The following SEC14L4 variants were observed in gnomAD, a reference collection of about 807,000 sequenced individuals.
SEC14L4 encodes the protein SEC14 like lipid binding 4.
SEC14L4 carries 42 observed loss-of-function variants against 55.1 expected under a neutral mutation model. The observed-to-expected ratio is 0.76, with a 90% CI of 0.60 to 0.99. The LOEUF is 0.99. SEC14L4 is among the 50% of genes least tolerant of loss of function. The pLI is 0.00. For missense variants in SEC14L4, 445 were observed against 512.1 expected (o/e 0.87, Z 1.27); for synonymous variants, 206 against 206.8 (o/e 1.00, Z 0.03).
At chr22:30,499,844 T>C (rs1018512356) in intron 2 of SEC14L4, among the ~76,000 whole-genome samples, 1 of 151,992 alleles carries the variant, frequency 6.6e-6, no homozygotes, top group African/African-American at 2.4e-5. Flanking sequence ...CATAGGTTCT[T>C]AAAGAATTCG....
At chr22:30,499,874 G>GT (rs59479529) in intron 2 of SEC14L4, among the ~76,000 whole-genome samples, 3,891 of 143,212 alleles carry the variant, frequency 0.027, 69 homozygotes, top group Middle Eastern at 0.065. Context: ...GAAATTAACT[G>GT]TTTTTTTTTT....
At chr22:30,494,120 C>G in intron 7 of SEC14L4, 30 bp downstream of exon 7, 2 of 1,562,784 alleles carry the variant, frequency 1.3e-6, no homozygotes, top group Non-Finnish European at 1.8e-6. Flanking sequence ...CTTCTCCCTC[C>G]CCAGGAGGTC....
chr22:30,489,827 C>T lies in SEC14L4; in HGVS notation c.*280G>A. Reference sequence around the variant, plus strand: ...AAGGGCAGCTTCTGCAAGCAGGACCCATCCTCAGTGGACTGGATCATCTTC... The same window carrying T: ...AAGGGCAGCTTCTGCAAGCAGGACCTATCCTCAGTGGACTGGATCATCTTC... On this transcript the variant is annotated 3_prime_UTR_variant, in exon 12 of 12. Coordinates refer to ENST00000255858, the MANE Select transcript of SEC14L4 (RefSeq NM_174977.4). The T allele has an allele frequency of 6.5e-7, 1 of 1,536,874 alleles. No individual in the cohort carries two copies. The highest frequency in any genetic ancestry group is 8.8e-7 in the Non-Finnish European group (1 of 1,133,452).
Position 30,489,986 on chromosome 22 carries a change from T to C in SEC14L4, c.*121A>G. 1 of 1,556,594 alleles carries C rather than the reference T, an allele frequency of 6.4e-7. No homozygotes were observed. On this transcript the variant is annotated 3_prime_UTR_variant, in exon 12 of 12. Coordinates refer to ENST00000255858, the MANE Select transcript of SEC14L4 (RefSeq NM_174977.4). ...CAGGTGAGCCTACAATGAGATGAAATGGTGACGTGGGACAAGTGGCTCTCT... is the reference window on the plus strand; with the variant it reads ...CAGGTGAGCCTACAATGAGATGAAACGGTGACGTGGGACAAGTGGCTCTCT...
At chr22:30,495,225 T>G (rs779828588) in intron 5 of SEC14L4, 29 bp downstream of exon 5, 2 of 1,564,524 alleles carry the variant, frequency 1.3e-6, no homozygotes, top group South Asian at 2.4e-5. Context: ...TGTAGACAGA[T>G]GAGGCCCAGC....
intron 11 of SEC14L4, among the ~76,000 whole-genome samples, chr22:30,490,960 G>A (rs995226240): frequency 2.0e-5 from 3 of 152,194 alleles, no homozygotes; most frequent in Non-Finnish European, 4.4e-5. Context: ...GTGATGAGTC[G>A]TGCAGACTTG....
intron 2 of SEC14L4, among the ~76,000 whole-genome samples, chr22:30,501,677 T>G (rs936311899): frequency 6.6e-6 from 1 of 152,006 alleles, no homozygotes; most frequent in South Asian, 2.1e-4. Flanking sequence ...CCATATTGGT[T>G]TATTAATTCT....
intron 1 of SEC14L4, 28 bp from the exon 2 acceptor site, chr22:30,503,780 C>T (rs763031607): frequency 6.9e-6 from 11 of 1,604,200 alleles, no homozygotes; most frequent in South Asian, 4.4e-5. Context: ...TGATGGTCGG[C>T]GGAGCTCTCA....
rs1379656045 is a variant in SEC14L4, at chr22:30,492,566, C to A, written c.581-9G>T. On this transcript the variant is annotated splice_polypyrimidine_tract_variant and intron_variant, in intron 7 of 11. Coordinates refer to ENST00000255858, the MANE Select transcript of SEC14L4 (RefSeq NM_174977.4). ...GGGGAACAGTTTTGGGGCTGAAACA[C>A]ATGTAAATCTCTTGAGAAGCTGGAC... 1.9e-6 allele frequency: 3 copies of A among 1,608,294 alleles called. No individual in the cohort carries two copies. The highest frequency in any genetic ancestry group is 2.6e-6 in the Non-Finnish European group (3 of 1,174,742).
chr22:30,495,981 G>C lies in SEC14L4; in HGVS notation c.131-10C>G. On this transcript the variant is annotated splice_polypyrimidine_tract_variant and intron_variant, in intron 2 of 11. Coordinates refer to ENST00000255858, the MANE Select transcript of SEC14L4 (RefSeq NM_174977.4). Reference sequence around the variant, plus strand: ...AGGTCAAAGTTTCGAGCTGCAAGAAGAGGAGGTAAATAGAAGCTCAAGGCT... The same window carrying C: ...AGGTCAAAGTTTCGAGCTGCAAGAACAGGAGGTAAATAGAAGCTCAAGGCT... 1.9e-6 allele frequency: 3 copies of C among 1,552,660 alleles called. No homozygotes were observed. In the South Asian group the frequency reaches 3.5e-5, roughly 18 times the overall value.
At chr22:30,490,447 T>C (rs956239175) in intron 11 of SEC14L4, among the ~76,000 whole-genome samples, 5 of 152,166 alleles carry the variant, frequency 3.3e-5, no homozygotes, top group Non-Finnish European at 5.9e-5. Flanking sequence ...CCTAAGCCCA[T>C]TGCTCGCTGC....
At chr22:30,505,482 G>A in intron 1 of SEC14L4, 76 bp downstream of exon 1, 1 of 1,408,628 alleles carries the variant, frequency 7.1e-7, no homozygotes, top group Non-Finnish European at 9.8e-7. Flanking sequence ...TGTACCATGG[G>A]GGCTCCAGCC....
At chr22:30,496,614 G>T (rs764924491) in intron 2 of SEC14L4, among the ~76,000 whole-genome samples, 41 of 152,086 alleles carry the variant, frequency 2.7e-4, no homozygotes, top group Non-Finnish European at 4.9e-4. Context: ...ATGGGGTTTG[G>T]ATTCACAGAG....
intron 3 of SEC14L4, 117 bp downstream of exon 3, chr22:30,495,811 G>C (rs1364886686): frequency 2.5e-6 from 4 of 1,592,446 alleles, no homozygotes; most frequent in Non-Finnish European, 2.6e-6. Context: ...AAGAGATCGG[G>C]GGAGGAAGAA....
In SEC14L4 at chr22:30,503,768, T is replaced by C. The variant is rs777156805; in HGVS notation, c.55-16A>G. 1.2e-6 allele frequency: 2 copies of C among 1,609,304 alleles called. No homozygotes were observed. Among genetic ancestry groups the C allele is most frequent in the Admixed American group, 3.3e-5 (2 of 59,882 alleles). On this transcript the variant is annotated splice_polypyrimidine_tract_variant and intron_variant, in intron 1 of 11. Transcript: ENST00000255858. ...TCTCCCGGAACTGAGCGGAGGAGGA[T>C]CTGATGGTCGGCGGAGCTCTCATGA... is the stretch of plus-strand genomic sequence containing the variant.
rs146895070 is a variant in SEC14L4 at position 30,490,155 on chromosome 22, C to T, written c.1173G>A (p.Glu391=). 19 of 1,614,046 alleles carry T rather than the reference C, an allele frequency of 1.2e-5. No individual in the cohort carries two copies. In the African/African-American group the frequency reaches 2.3e-4, roughly 19 times the overall value. The change falls in exon 12 of 12, where the codon GAG becomes GAA. Residue 391 remains glutamate, a synonymous_variant. Coordinates refer to ENST00000255858, the MANE Select transcript of SEC14L4 (RefSeq NM_174977.4). ...VEVLLPDKAS[E]ETLQSLKAMR... The stretch of plus-strand genomic sequence containing the variant: ...TCGCCTTGAGACTCTGCAGCGTCTC[C>T]TCAGAGGCCTTGTCGGGAAGCAGCA...
chr22:30,492,324 C>A, intron 8 of SEC14L4, 150 bp downstream of exon 8: 1 of 1,149,062 alleles, frequency 8.7e-7, no homozygotes, highest in Non-Finnish European at 1.3e-6. Flanking sequence ...CGGTCTAGGA[C>A]CCAAGGCATT....
In SEC14L4 at chr22:30,490,098, C is replaced by T. The variant is rs568663834; in HGVS notation, c.*9G>A. The stretch of plus-strand genomic sequence containing the variant: ...GGTTGGAGTGCACAGGTAGAGGTGG[C>T]TGGGGTCTTCACTGTGTTGGGGAGG... On this transcript the variant is annotated 3_prime_UTR_variant, in exon 12 of 12. Coordinates refer to ENST00000255858, the MANE Select transcript of SEC14L4 (RefSeq NM_174977.4). 20 of 1,613,026 alleles carry T rather than the reference C, an allele frequency of 1.2e-5. No homozygotes were observed. The highest frequency in any genetic ancestry group is 1.6e-5 in the Non-Finnish European group (19 of 1,179,468).
At chr22:30,505,078 A>G (rs957694226) in intron 1 of SEC14L4, among the ~76,000 whole-genome samples, 6 of 150,110 alleles carry the variant, frequency 4.0e-5, no homozygotes, top group Non-Finnish European at 7.4e-5. Context: ...GTTGCAGTGA[A>G]CCGAGATTGC....
Sources: gnomAD v4.1 joint callset for allele counts (sites outside exome capture counted in the v4.1 genomes callset) on GRCh38, gnomAD v4.1.1 for gene constraint, MANE v1.5 for transcripts, NCBI Gene and HGNC (gene_info 2026-07-23, HGNC 2026-07-21) for gene names.